Variants in NRXN1 observed in about 807,000 individuals in gnomAD.
The protein encoded by NRXN1 is neurexin-1.
NRXN1 carries 39 observed loss-of-function variants against 150.9 expected under a neutral mutation model. The ratio of observed to expected loss-of-function variants is 0.26; its 90% CI spans 0.20 to 0.34. NRXN1 has a LOEUF of 0.34. Ranked by LOEUF, NRXN1 falls within the 10% of genes least tolerant of loss-of-function variation. The probability of loss-of-function intolerance (pLI) is 1.00; values close to 1 mark genes in which losing one functional copy is unlikely to be tolerated. For missense variants in NRXN1, 1,815 were observed against 1,949.9 expected (o/e 0.93, Z 1.30); for synonymous variants, 924 against 757.0 (o/e 1.22, Z -3.62).
chr2:50,752,270 C>A (rs898002840), intron 5 of NRXN1, among the ~76,000 whole-genome samples: 4 of 151,896 alleles, frequency 2.6e-5, no homozygotes, highest in African/African-American at 9.7e-5. Context: ...CTCTAAGGTT[C>A]ACAACACTTA....
chr2:50,383,428 A>T (rs1268385919), intron 17 of NRXN1, among the ~76,000 whole-genome samples: 1 of 152,214 alleles, frequency 6.6e-6, no homozygotes, highest in Non-Finnish European at 1.5e-5. Context: ...CCCAGGCTCA[A>T]AACACATGAG....
intron 2 of NRXN1, among the ~76,000 whole-genome samples, chr2:50,941,886 T>C (rs2104494098): frequency 6.6e-6 from 1 of 152,276 alleles, no homozygotes; most frequent in East Asian, 1.9e-4. Flanking sequence ...AGTCAAATGT[T>C]AATAGCCAAG....
chr2:50,057,025 A>G lies in NRXN1; in HGVS notation c.3719-1981T>C, dbSNP rs149542449. 3.7e-4 allele frequency among the ~76,000 whole-genome samples: 56 copies of G among 152,224 alleles called. No homozygotes were observed. The South Asian group carries it at 5.0e-3, about 14-fold the overall frequency. On this transcript the variant is annotated intron_variant, in intron 19 of 22. Transcript: ENST00000401669. ...ATCCCTCTTGCCCAATTACTACTAC[A>G]GTCTATTGACAGACCTCTCTACATC...
intron 21 of NRXN1, among the ~76,000 whole-genome samples, chr2:50,006,552 C>T (rs1684796998): frequency 1.3e-5 from 2 of 152,102 alleles, no homozygotes. Context: ...TGGAGTCTCT[C>T]CCATTCCCTG....
At chr2:50,248,012 ATC>A (rs2066669052) in intron 17 of NRXN1, among the ~76,000 whole-genome samples, 2 of 152,092 alleles carry the variant, frequency 1.3e-5, no homozygotes, top group East Asian at 1.9e-4. Context: ...GCAATTTAGA[ATC>A]TCTCTCTTTT....
At chr2:50,850,660 A>G (rs1344236139) in intron 5 of NRXN1, among the ~76,000 whole-genome samples, 2 of 152,134 alleles carry the variant, frequency 1.3e-5, no homozygotes, top group Admixed American at 1.3e-4. Flanking sequence ...CATCACCTTC[A>G]TGCTTAAAGA....
At chr2:50,128,181 T>C (rs777163411) in intron 18 of NRXN1, among the ~76,000 whole-genome samples, 4 of 152,102 alleles carry the variant, frequency 2.6e-5, no homozygotes, top group African/African-American at 4.8e-5. Flanking sequence ...GCCTGGCACA[T>C]GGTAGGAGCT....
chr2:50,452,572 T>C (rs1172487586), intron 17 of NRXN1, among the ~76,000 whole-genome samples: 1 of 152,132 alleles, frequency 6.6e-6, no homozygotes, highest in Non-Finnish European at 1.5e-5. Context: ...TCTTACTAGA[T>C]ATGGGCTGCT....
rs1383269889 is a variant in NRXN1 at position 50,472,289 on chromosome 2, A to G, written c.3244+9T>C. On this transcript the variant is annotated intron_variant, in intron 16 of 22. Coordinates refer to ENST00000401669, the MANE Select transcript of NRXN1 (RefSeq NM_001330078.2). ...AATTATTTAGAGCATGATGACAAAA[A>G]TCTAATACCTTCACATCCTCTCTCG... 1 of 1,551,254 alleles carries G rather than the reference A, an allele frequency of 6.4e-7. No homozygotes were observed. The highest frequency in any genetic ancestry group is 1.2e-5 in the South Asian group (1 of 80,156).
intron 22 of NRXN1, among the ~76,000 whole-genome samples, chr2:49,943,240 A>G (rs908827950): frequency 2.0e-5 from 3 of 152,220 alleles, no homozygotes; most frequent in African/African-American, 7.2e-5. Context: ...TACTACTGCT[A>G]TAATACTCTC....
intron 17 of NRXN1, among the ~76,000 whole-genome samples, chr2:50,290,492 A>T (rs2072779718): frequency 6.6e-6 from 1 of 152,204 alleles, no homozygotes; most frequent in African/African-American, 2.4e-5. Context: ...TATTGTAATC[A>T]TTAAATTTGT....
intron 16 of NRXN1, among the ~76,000 whole-genome samples, chr2:50,471,136 G>C (rs1007272629): frequency 2.0e-5 from 3 of 151,548 alleles, no homozygotes; most frequent in Admixed American, 2.0e-4. Context: ...AGGTGTACAA[G>C]TGGTTTTCGG....
chr2:50,427,597 C>G (rs1261025806), intron 17 of NRXN1, among the ~76,000 whole-genome samples: 1 of 152,160 alleles, frequency 6.6e-6, no homozygotes, highest in Non-Finnish European at 1.5e-5. Context: ...TCCTCTTTCT[C>G]TAACAAGTTG....
In NRXN1 at chr2:50,561,945, A is replaced by C. The variant is rs1434838029; in HGVS notation, c.1321-8920T>G. Reference sequence around the variant, plus strand: ...TATCTCACCATAACTTGGGGTTAAGAGTTTCTACTTCAAGCCAGCAGATGC... The same window carrying C: ...TATCTCACCATAACTTGGGGTTAAGCGTTTCTACTTCAAGCCAGCAGATGC... On this transcript the variant is annotated intron_variant, in intron 8 of 22. Transcript: ENST00000401669. Among the ~76,000 whole-genome samples the C allele has an allele frequency of 2.6e-5, 4 of 152,194 alleles. No individual in the cohort carries two copies. The East Asian group carries it at 7.7e-4, about 29-fold the overall frequency.
At chr2:50,359,079 C>T (rs2079011708) in intron 17 of NRXN1, among the ~76,000 whole-genome samples, 2 of 152,090 alleles carry the variant, frequency 1.3e-5, no homozygotes, top group Non-Finnish European at 1.5e-5. Context: ...GAAAGAACGA[C>T]CACGCAAAAA....
intron 21 of NRXN1, among the ~76,000 whole-genome samples, chr2:49,955,990 G>A (rs370116442): frequency 3.9e-5 from 6 of 152,146 alleles, no homozygotes; most frequent in African/African-American, 9.6e-5. Context: ...CTGTGGTGGC[G>A]CATGCAATCC....
At chr2:50,222,088 G>C (rs756989704) in intron 18 of NRXN1, among the ~76,000 whole-genome samples, 3 of 151,938 alleles carry the variant, frequency 2.0e-5, no homozygotes, top group Non-Finnish European at 4.4e-5. Context: ...AGAACACAGA[G>C]GTAGACTCTG....
At chr2:50,556,969 G>A (rs1668348027) in intron 8 of NRXN1, among the ~76,000 whole-genome samples, 1 of 152,158 alleles carries the variant, frequency 6.6e-6, no homozygotes, top group Admixed American at 6.5e-5. Context: ...ATGGTCGATT[G>A]TTCCTGACCC....
chr2:50,602,192 T>C (rs926649488), intron 8 of NRXN1, among the ~76,000 whole-genome samples: 6 of 152,158 alleles, frequency 3.9e-5, no homozygotes, highest in African/African-American at 9.7e-5. Flanking sequence ...ATTCATCAAC[T>C]ATGTGGCACA....
Sources: gnomAD v4.1 joint callset for allele counts (sites outside exome capture counted in the v4.1 genomes callset) on GRCh38, gnomAD v4.1.1 for gene constraint, MANE v1.5 for transcripts, NCBI Gene and HGNC (gene_info 2026-07-23, HGNC 2026-07-21) for gene names.